Variants in ADCY10 observed in about 807,000 individuals in gnomAD.
ADCY10 encodes adenylate cyclase 10.
Under a neutral mutation model 183.3 loss-of-function variants are expected in ADCY10, and 156 were observed. That is an observed-to-expected ratio of 0.85 (90% CI 0.75 to 0.97). The LOEUF is 0.97. Among genes scored for constraint, ADCY10 ranks in the 50% least tolerant of loss-of-function variants. The pLI is 0.00. For missense variants in ADCY10, 1,745 were observed against 1,934.3 expected (o/e 0.90, Z 1.84); for synonymous variants, 645 against 670.0 (o/e 0.96, Z 0.58).
intron 6 of ADCY10, among the ~76,000 whole-genome samples, chr1:167,897,444 C>T (rs934817823): frequency 2.0e-5 from 3 of 149,848 alleles, no homozygotes; most frequent in Non-Finnish European, 4.4e-5. Flanking sequence ...TTGAAGTGAG[C>T]TGAGATCATG....
chr1:167,894,933 C>T (rs1444188539), intron 7 of ADCY10, among the ~76,000 whole-genome samples: 1 of 152,038 alleles, frequency 6.6e-6, no homozygotes, highest in Non-Finnish European at 1.5e-5. Context: ...ACCTGTAATC[C>T]CAGCACTTTG....
chr1:167,812,578 G>T (rs974676415), intron 31 of ADCY10, among the ~76,000 whole-genome samples: 14 of 152,124 alleles, frequency 9.2e-5, no homozygotes, highest in African/African-American at 3.4e-4. Flanking sequence ...TAGATTCAAA[G>T]GTCTAGTTTC....
At chr1:167,869,901 A>G (rs1666977318) in intron 14 of ADCY10, among the ~76,000 whole-genome samples, 1 of 152,054 alleles carries the variant, frequency 6.6e-6, no homozygotes, top group Non-Finnish European at 1.5e-5. Flanking sequence ...TGGTCCTGCT[A>G]CACTGTCAGC....
Position 167,905,109 on chromosome 1 carries a change from C to G in ADCY10, c.32G>C (p.Trp11Ser), listed in dbSNP as rs767465556. 1.2e-6 allele frequency: 2 copies of G among 1,614,144 alleles called. No individual in the cohort carries two copies. The highest frequency in any genetic ancestry group is 2.2e-5 in the South Asian group (2 of 91,082). ...ATGAGCTGCTATTCTGACTATGGGC[C>G]AGTCCTGGAATTCTTCTTTTGGAGT... MNTPKEEFQDWPIVRIAAHLP... is the reference protein window; with the variant it reads MNTPKEEFQDSPIVRIAAHLP... The change falls in exon 2 of 33, where the codon TGG (tryptophan) becomes TCG (serine). Residue 11 changes from tryptophan to serine, a missense_variant. Coordinates refer to ENST00000367851, the MANE Select transcript of ADCY10 (RefSeq NM_018417.6).
In ADCY10 at chr1:167,822,015, C is replaced by T; in HGVS notation, c.4286+9G>A. ...TTTGGGAATTTAGTGATATGCCACA[C>T]ATTGTTACCAGATAGCTACAGAGGA... On this transcript the variant is annotated intron_variant, in intron 30 of 32. Coordinates refer to ENST00000367851, the MANE Select transcript of ADCY10 (RefSeq NM_018417.6). 1 of 1,509,310 alleles carries T rather than the reference C, an allele frequency of 6.6e-7. No individual in the cohort carries two copies. The highest frequency in any genetic ancestry group is 9.2e-7 in the Non-Finnish European group (1 of 1,084,710). The allele number at this position is 1,509,310 out of a possible 1,614,324, so 93.5% of individuals were successfully genotyped here.
intron 9 of ADCY10, among the ~76,000 whole-genome samples, chr1:167,882,314 A>G (rs911208704): frequency 1.3e-5 from 2 of 151,944 alleles, no homozygotes; most frequent in East Asian, 3.9e-4. Context: ...GCGAAACCTC[A>G]TCTCTACTAA....
At chr1:167,881,373 C>T (rs1176476225) in intron 9 of ADCY10, among the ~76,000 whole-genome samples, 2 of 152,124 alleles carry the variant, frequency 1.3e-5, no homozygotes, top group Non-Finnish European at 2.9e-5. Flanking sequence ...ATGTTACATC[C>T]TGATAAAATG....
rs185412198 is a variant in ADCY10, at chr1:167,875,670, G to A, written c.1407-484C>T. On this transcript the variant is annotated intron_variant, in intron 12 of 32. Transcript: ENST00000367851. The stretch of plus-strand genomic sequence containing the variant: ...AAACACTGTTAAGAAGTACTACTTG[G>A]CTGGGCGCAGTGACTCACGCCTGTA... Among the ~76,000 whole-genome samples the A allele has an allele frequency of 2.0e-5, 3 of 152,342 alleles. No homozygotes were observed. In the East Asian group the frequency reaches 5.8e-4, roughly 29 times the overall value.
intron 29 of ADCY10, 95 bp downstream of exon 29, chr1:167,822,913 T>C (rs144739421): frequency 3.1e-4 from 325 of 1,060,060 alleles, no homozygotes; most frequent in Middle Eastern, 9.9e-4. Context: ...GCCAGAAACC[T>C]AGTGGTCCCA....
At chr1:167,864,606 A>G (rs951470875) in intron 14 of ADCY10, among the ~76,000 whole-genome samples, 33 of 152,192 alleles carry the variant, frequency 2.2e-4, no homozygotes, top group African/African-American at 7.7e-4. Flanking sequence ...AGGGAGAGAG[A>G]GAGACAGAAA....
chr1:167,830,370 C>G (rs866274738), intron 25 of ADCY10, among the ~76,000 whole-genome samples: 6 of 132,788 alleles, frequency 4.5e-5, no homozygotes, highest in African/African-American at 1.1e-4. Context: ...GTCTTGGGTA[C>G]TTTTTAGTTT....
chr1:167,863,470 C>G (rs12089094), intron 14 of ADCY10, among the ~76,000 whole-genome samples: 3 of 151,908 alleles, frequency 2.0e-5, no homozygotes, highest in Non-Finnish European at 4.4e-5. Context: ...CAGACGAGCT[C>G]GGATTTTGAG....
At chr1:167,904,026 T>G in intron 2 of ADCY10, 35 bp from the exon 3 acceptor site, 1 of 1,465,740 alleles carries the variant, frequency 6.8e-7, no homozygotes, top group Non-Finnish European at 9.5e-7. Flanking sequence ...CCTTGGCTGC[T>G]TGGGGGAATC....
chr1:167,824,444 C>T, intron 28 of ADCY10, 32 bp downstream of exon 28: 1 of 1,588,276 alleles, frequency 6.3e-7, no homozygotes, highest in Non-Finnish European at 8.6e-7. Flanking sequence ...GCCTCCTCCC[C>T]CTAATTTTGG....
intron 7 of ADCY10, 48 bp downstream of exon 7, chr1:167,896,547 A>G: frequency 1.4e-6 from 2 of 1,436,082 alleles, no homozygotes; most frequent in Non-Finnish European, 9.8e-7. Flanking sequence ...ATAAGACCCT[A>G]CTGACCACTG....
intron 9 of ADCY10, among the ~76,000 whole-genome samples, 166 bp from the exon 10 acceptor site, chr1:167,880,775 C>T (rs1667820867): frequency 6.6e-6 from 1 of 152,196 alleles, no homozygotes; most frequent in African/African-American, 2.4e-5. Context: ...AACACTTCTA[C>T]TGCATCATCA....
chr1:167,849,858 A>C (rs958928022), intron 18 of ADCY10, among the ~76,000 whole-genome samples: 3 of 152,216 alleles, frequency 2.0e-5, no homozygotes, highest in African/African-American at 7.2e-5. Flanking sequence ...ACGCGAAGGC[A>C]CAGGAACCTC....
chr1:167,854,395 C>A lies in ADCY10; in HGVS notation c.2266G>T (p.Glu756Ter). ...GTCCTATTTGTCTTTTCCTCAGACT[C>A]CGTTTGTTGGAAAACGAGTACCTCA... ...HHEVLVFQQT[E>*]SEEKTNRTWN... The change falls in exon 18 of 33, where the codon GAG becomes TAG. Residue 756 changes from glutamate (E) to a stop codon, truncating the protein, a stop_gained. Coordinates refer to ENST00000367851, the MANE Select transcript of ADCY10 (RefSeq NM_018417.6). LOFTEE classifies it high-confidence loss of function. 1 of 1,614,196 alleles carries A rather than the reference C, an allele frequency of 6.2e-7. No individual in the cohort carries two copies. Among genetic ancestry groups the A allele is most frequent in the Non-Finnish European group, 8.5e-7 (1 of 1,180,044 alleles).
intron 8 of ADCY10, among the ~76,000 whole-genome samples, chr1:167,888,809 G>A (rs394894): frequency 9.5e-5 from 14 of 147,980 alleles, no homozygotes; most frequent in African/African-American, 2.5e-5. Flanking sequence ...CCGGGAGGCG[G>A]AGCGTGCAGT....
Sources: allele counts gnomAD v4.1 joint callset (sites outside exome capture counted in the v4.1 genomes callset), GRCh38; gene constraint gnomAD v4.1.1; transcripts MANE v1.5; gene names NCBI Gene and HGNC (gene_info 2026-07-23, HGNC 2026-07-21).